SRSF11: variants seen among roughly 807,000 people sequenced by gnomAD.
SRSF11 encodes serine and arginine rich splicing factor 11, also known as serine/arginine-rich splicing factor 11.
SRSF11 carries 9 observed loss-of-function variants against 56.0 expected under a neutral mutation model. The ratio of observed to expected loss-of-function variants is 0.16; its 90% CI spans 0.10 to 0.28. The LOEUF (loss-of-function observed/expected upper bound fraction) is 0.28. SRSF11 is among the 10% of genes least tolerant of loss of function. SRSF11 has a pLI of 1.00. For synonymous variants in SRSF11, 222 were observed against 215.3 expected (o/e 1.03, Z -0.27); for missense variants, 421 against 600.7 (o/e 0.70, Z 3.13).
chr1:70,252,198 T>G lies in SRSF11; in HGVS notation c.*1393T>G, dbSNP rs1678052575. Reference sequence around the variant, plus strand: ...TTAATTTCTATCCAAAATAGTCCTTTTCTTAGCTTAGTATCATTTTATTGC... The same window carrying G: ...TTAATTTCTATCCAAAATAGTCCTTGTCTTAGCTTAGTATCATTTTATTGC... On this transcript the variant is annotated 3_prime_UTR_variant, in exon 12 of 12. Transcript: ENST00000370949. The G allele has an allele frequency of 6.6e-6, 1 of 152,232 alleles. No individual in the cohort carries two copies. The highest frequency in any genetic ancestry group is 6.5e-5 in the Admixed American group (1 of 15,292). The allele number at this position is 152,232 out of a possible 1,614,324, so 9.4% of individuals were successfully genotyped here.
chr1:70,207,703 A>G (rs1186299799), intron 1 of SRSF11, among the ~76,000 whole-genome samples: 2 of 150,182 alleles, frequency 1.3e-5, no homozygotes, highest in African/African-American at 4.9e-5. Flanking sequence ...CCCTCCCCCT[A>G]CAATAGATTC....
chr1:70,208,720 G>A (rs1669283876), intron 1 of SRSF11, among the ~76,000 whole-genome samples: 1 of 152,170 alleles, frequency 6.6e-6, no homozygotes, highest in South Asian at 2.1e-4. Context: ...AAAATAACAT[G>A]TTTTGTCTCA....
intron 1 of SRSF11, among the ~76,000 whole-genome samples, chr1:70,215,627 G>C (rs1436128927): frequency 1.3e-5 from 2 of 152,144 alleles, no homozygotes; most frequent in Admixed American, 6.5e-5. Context: ...TTCATAAAAG[G>C]CCTGTTGCTT....
chr1:70,231,815 C>T (rs1487726652), intron 2 of SRSF11: 1 of 1,392,150 alleles, frequency 7.2e-7, no homozygotes, highest in Non-Finnish European at 9.5e-7. Context: ...CTAAATCAAA[C>T]TTTTTTTGTC....
At chr1:70,247,042 T>G in intron 9 of SRSF11, 135 bp downstream of exon 9, 1 of 1,109,482 alleles carries the variant, frequency 9.0e-7, no homozygotes, top group Non-Finnish European at 1.2e-6. Context: ...TTGCTGTTAT[T>G]TAAAGTTTTT....
rs1305240814 is a variant in SRSF11, at chr1:70,250,719, G to A, written c.1369G>A (p.Val457Met). ...TTCCCCTAAAACAAAGGAATGTTCT[G>A]TGGAAAAGGGAACTGGTGATTCACT... is the stretch of plus-strand genomic sequence containing the variant. ...TGSPKTKECSVEKGTGDSLRE... is the reference protein window; with the variant it reads ...TGSPKTKECSMEKGTGDSLRE... The change falls in exon 12 of 12, where the codon GTG (valine) becomes ATG (methionine). Residue 457 changes from valine (V) to methionine (M), a missense_variant. Around this residue, in one of 2 missense-constraint regions of SRSF11, gnomAD observed 253 missense variants for 305.8 expected, o/e 0.83. Transcript: ENST00000370949. The A allele has an allele frequency of 3.1e-6, 5 of 1,614,054 alleles. No homozygotes were observed. The South Asian group carries it at 5.5e-5, about 18-fold the overall frequency.
At chr1:70,238,055 A>G (rs1439036490) in intron 6 of SRSF11, among the ~76,000 whole-genome samples, 3 of 152,204 alleles carry the variant, frequency 2.0e-5, no homozygotes, top group African/African-American at 7.2e-5. Context: ...ATATATATTT[A>G]GATCTATGGC....
chr1:70,218,874 G>A (rs965822171), upstream of SRSF11: 3 of 152,000 alleles, frequency 2.0e-5, no homozygotes, highest in Non-Finnish European at 4.4e-5. Context: ...ACATACTTGG[G>A]TTTAACCAAC....
chr1:70,221,471 C>A lies in SRSF11; in HGVS notation c.-166C>A. The A allele has an allele frequency of 9.9e-7, 1 of 1,013,494 alleles. No individual in the cohort carries two copies. The highest frequency in any genetic ancestry group is 1.4e-6 in the Non-Finnish European group (1 of 696,226). The allele number at this position is 1,013,494 out of a possible 1,614,324, so 62.8% of individuals were successfully genotyped here. On this transcript the variant is annotated 5_prime_UTR_variant, in exon 1 of 12. Transcript: ENST00000370949. ...TCATCCCCTCCCCCGCGGCGTGCGG[C>A]GGGGCGGAGAAACGGCGGCGGCGGC... is the stretch of plus-strand genomic sequence containing the variant.
chr1:70,221,536 C>A lies in SRSF11; in HGVS notation c.-101C>A. The A allele has an allele frequency of 1.4e-6, 2 of 1,449,612 alleles. No individual in the cohort carries two copies. The highest frequency in any genetic ancestry group is 1.9e-6 in the Non-Finnish European group (2 of 1,078,322). 89.8% of individuals were successfully genotyped at this position (1,449,612 alleles called of 1,614,324 possible). ...CAGTAGCAGAGGCTGTAGCATCGGACACCCTCCTCTCTCCCGCAATCCGGT... is the reference window on the plus strand; with the variant it reads ...CAGTAGCAGAGGCTGTAGCATCGGAAACCCTCCTCTCTCCCGCAATCCGGT... On this transcript the variant is annotated 5_prime_UTR_variant, in exon 1 of 12. Coordinates refer to ENST00000370949, the MANE Select transcript of SRSF11 (RefSeq NM_001350605.2).
At chr1:70,207,138 C>T (rs1669119507) in intron 1 of SRSF11, among the ~76,000 whole-genome samples, 1 of 152,002 alleles carries the variant, frequency 6.6e-6, no homozygotes, top group South Asian at 2.1e-4. Flanking sequence ...GCGATCCGCC[C>T]AGTTCGGCCT....
At chr1:70,218,297 T>C (rs1054603136), upstream of SRSF11, among the ~76,000 whole-genome samples, 36 of 152,270 alleles carry the variant, frequency 2.4e-4, no homozygotes, top group African/African-American at 8.4e-4. Flanking sequence ...GCCAGCCTTC[T>C]AACTTTAAAT....
chr1:70,229,688 A>G, intron 2 of SRSF11: 3 of 985,256 alleles, frequency 3.0e-6, no homozygotes, highest in Non-Finnish European at 3.6e-6. Context: ...TTTAGATGCT[A>G]TCTGAAATCT....
intron 6 of SRSF11, among the ~76,000 whole-genome samples, chr1:70,237,886 T>A (rs186050186): frequency 4.3e-4 from 65 of 152,356 alleles, no homozygotes; most frequent in African/African-American, 1.5e-3. Flanking sequence ...ATTTATGTTT[T>A]TCTAAGTTGG....
At position 70,221,558 on chromosome 1, in the gene SRSF11, C is replaced by T; in HGVS notation, c.-79C>T. ...GGACACCCTCCTCTCTCCCGCAATC[C>T]GGTTCCTCTTCCCCCTCCTTCTCAC... On this transcript the variant is annotated 5_prime_UTR_variant, in exon 1 of 12. Coordinates refer to ENST00000370949, the MANE Select transcript of SRSF11 (RefSeq NM_001350605.2). 4 of 1,518,582 alleles carry T rather than the reference C, an allele frequency of 2.6e-6. No individual in the cohort carries two copies. The highest frequency in any genetic ancestry group is 3.5e-6 in the Non-Finnish European group (4 of 1,129,708). 94.1% of individuals were successfully genotyped at this position (1,518,582 alleles called of 1,614,324 possible). A position where few individuals can be genotyped will look rare whatever the true frequency, so the allele number is the denominator to read the frequency against.
At chr1:70,235,930 T>C (rs1351629265) in intron 5 of SRSF11, among the ~76,000 whole-genome samples, 1 of 152,192 alleles carries the variant, frequency 6.6e-6, no homozygotes, top group East Asian at 1.9e-4. Flanking sequence ...TAGCCAACAT[T>C]TTATTTTAGG....
Position 70,229,468 on chromosome 1 carries a change from A to G in SRSF11, c.337+913A>G, listed in dbSNP as rs1053429028. ...AGAAATTTTAATACCATTTTGTAAAATTTTCTAAGGCGTATTTTATAATTA... is the reference window on the plus strand; with the variant it reads ...AGAAATTTTAATACCATTTTGTAAAGTTTTCTAAGGCGTATTTTATAATTA... On this transcript the variant is annotated intron_variant, in intron 2 of 11. Transcript: ENST00000370949. 3 of 985,096 alleles carry G rather than the reference A, an allele frequency of 3.0e-6. No homozygotes were observed. In the Admixed American group the frequency reaches 1.8e-4, roughly 61 times the overall value. 61.0% of individuals were successfully genotyped at this position (985,096 alleles called of 1,614,324 possible).
At chr1:70,219,473 T>C (rs1468983802), upstream of SRSF11, among the ~76,000 whole-genome samples, 1 of 152,226 alleles carries the variant, frequency 6.6e-6, no homozygotes, top group African/African-American at 2.4e-5. Flanking sequence ...AAATAAAAAG[T>C]CTGTACATGT....
chr1:70,209,676 C>T (rs116744545), intron 1 of SRSF11, among the ~76,000 whole-genome samples: 2,985 of 150,684 alleles, frequency 0.02, 46 homozygotes, highest in Non-Finnish European at 0.031. Flanking sequence ...GCCTTGACCT[C>T]CCTGGCTCAA....
Sources: allele counts gnomAD v4.1 joint callset (sites outside exome capture counted in the v4.1 genomes callset), GRCh38; gene constraint gnomAD v4.1.1; regional missense constraint gnomAD v4.1.1; transcripts MANE v1.5; gene names NCBI Gene and HGNC (gene_info 2026-07-23, HGNC 2026-07-21).